The following BTC variants were observed in gnomAD, a reference collection of about 807,000 sequenced individuals.
BTC encodes the protein probetacellulin.
BTC carries 13 observed loss-of-function variants against 18.1 expected under a neutral mutation model. That is an observed-to-expected ratio of 0.72 (90% CI 0.47 to 1.14). The LOEUF (loss-of-function observed/expected upper bound fraction) is 1.14, where lower values mean the gene tolerates loss of function less well. Among genes scored for constraint, BTC ranks in the 50% most tolerant of loss-of-function variants. BTC has a pLI of 0.00. For missense variants in BTC, 247 were observed against 224.2 expected, an observed-to-expected ratio of 1.10 and a Z score of -0.65; for synonymous variants, 83 against 79.4, an observed-to-expected ratio of 1.05 and a Z score of -0.24.
chr4:74,750,938 G>A (rs1468179292), intron 3 of BTC, among the ~76,000 whole-genome samples: 1 of 151,974 alleles, frequency 6.6e-6, no homozygotes, highest in East Asian at 1.9e-4. Context: ...TTATTGATAT[G>A]TCTAATATAA....
chr4:74,793,730 T>C (rs1273808001), intron 1 of BTC, among the ~76,000 whole-genome samples: 2 of 152,180 alleles, frequency 1.3e-5, no homozygotes, highest in East Asian at 1.9e-4. Context: ...CTAGGCATCC[T>C]GCTACTCCTC....
chr4:74,752,769 A>G (rs1553956323), intron 3 of BTC, among the ~76,000 whole-genome samples: 3 of 152,120 alleles, frequency 2.0e-5, no homozygotes, highest in African/African-American at 4.8e-5. Context: ...TTTTTTTCCA[A>G]CTAGCTTAAA....
chr4:74,759,096 T>C (rs1724680504), intron 2 of BTC, among the ~76,000 whole-genome samples: 1 of 152,124 alleles, frequency 6.6e-6, no homozygotes, highest in South Asian at 2.1e-4. Flanking sequence ...TTCATCAAGT[T>C]CATGTTATCT....
At chr4:74,770,821 T>C (rs1725017922) in intron 1 of BTC, among the ~76,000 whole-genome samples, 1 of 151,874 alleles carries the variant, frequency 6.6e-6, no homozygotes, top group African/African-American at 2.4e-5. Context: ...TGACACTGAC[T>C]GGACACTAGA....
At chr4:74,777,037 A>C (rs897416448) in intron 1 of BTC, among the ~76,000 whole-genome samples, 12 of 152,296 alleles carry the variant, frequency 7.9e-5, no homozygotes, top group African/African-American at 2.6e-4. Context: ...AATTAGAAGA[A>C]TATTTCATTG....
chr4:74,774,617 A>G (rs79160700), intron 1 of BTC, among the ~76,000 whole-genome samples: 8,052 of 152,102 alleles, frequency 0.053, 350 homozygotes, highest in Admixed American at 0.12. Context: ...ACAACTTGTA[A>G]TAAGTAAAAG....
chr4:74,782,281 G>C (rs1181200895), intron 1 of BTC, among the ~76,000 whole-genome samples: 1 of 152,112 alleles, frequency 6.6e-6, no homozygotes, highest in Non-Finnish European at 1.5e-5. Context: ...ACAGGCCCCA[G>C]TGTGTGTTGT....
At chr4:74,749,583 C>T (rs546166680) in intron 4 of BTC, among the ~76,000 whole-genome samples, 2 of 151,544 alleles carry the variant, frequency 1.3e-5, no homozygotes, top group African/African-American at 4.8e-5. Flanking sequence ...ATCACGAGAA[C>T]CCTCTTTATG....
intron 3 of BTC, among the ~76,000 whole-genome samples, chr4:74,754,985 T>G (rs1724561472): frequency 6.9e-6 from 1 of 145,494 alleles, no homozygotes; most frequent in African/African-American, 2.5e-5. Flanking sequence ...ACACATTTCC[T>G]TATTTTCTTA....
chr4:74,749,939 A>C (rs563642844), intron 4 of BTC, among the ~76,000 whole-genome samples: 1 of 150,618 alleles, frequency 6.6e-6, no homozygotes, highest in East Asian at 1.9e-4. Flanking sequence ...CACAAAAAAA[A>C]AAAAAAAAAA....
rs140634211 is a variant in BTC at position 74,748,132 on chromosome 4, C to G, written c.446G>C (p.Arg149Pro). The change falls in exon 5 of 6, where the codon CGT (arginine) becomes CCT (proline). Residue 149 changes from arginine (R) to proline (P), a missense_variant. Physicochemically the swap from Arg to Pro is moderately radical, Grantham distance 103 (BLOSUM62 -2). Transcript: ENST00000395743. ...CTCCHPLRKRRKRKKKEEEME... is the reference protein window; with the variant it reads ...CTCCHPLRKRPKRKKKEEEME... ...TTCTTCTTCTTTCTTCTTTCTTTTACGACGTTTCCGAAGAGGGCTTGGAAA... is the reference window on the plus strand; with the variant it reads ...TTCTTCTTCTTTCTTCTTTCTTTTAGGACGTTTCCGAAGAGGGCTTGGAAA... 1.0e-5 allele frequency: 16 copies of G among 1,607,288 alleles called. No individual in the cohort carries two copies. Among genetic ancestry groups the G allele is most frequent in the Non-Finnish European group, 1.4e-5 (16 of 1,178,388 alleles).
intron 2 of BTC, among the ~76,000 whole-genome samples, chr4:74,760,428 T>A (rs1280212499): frequency 1.3e-5 from 2 of 152,230 alleles, no homozygotes; most frequent in African/African-American, 4.8e-5. Flanking sequence ...GATTTCCTCC[T>A]TTTACAAATT....
At chr4:74,777,002 G>A (rs1316892668) in intron 1 of BTC, among the ~76,000 whole-genome samples, 1 of 152,116 alleles carries the variant, frequency 6.6e-6, no homozygotes, top group Non-Finnish European at 1.5e-5. Context: ...AAAGAAGAAT[G>A]TATCAACCTA....
At chr4:74,767,811 G>T (rs1265951782) in intron 2 of BTC, among the ~76,000 whole-genome samples, 1 of 152,092 alleles carries the variant, frequency 6.6e-6, no homozygotes, top group African/African-American at 2.4e-5. Flanking sequence ...TTGAATAAAT[G>T]ATGTTTGAAA....
intron 1 of BTC, among the ~76,000 whole-genome samples, chr4:74,774,149 GATA>G (rs1199684315): frequency 6.6e-6 from 1 of 152,144 alleles, no homozygotes; most frequent in Non-Finnish European, 1.5e-5. Context: ...TTCAGCAGTG[GATA>G]ATATTTATGT....
Position 74,748,136 on chromosome 4 carries a change from G to C in BTC, c.442C>G (p.Arg148Gly). Residue 148 changes from arginine to glycine, a missense_variant, in exon 5 of 6, where the codon CGT becomes GGT. Arg to Gly is a moderately radical substitution (Grantham distance 125). Transcript: ENST00000395743. ...TCTTCTTTCTTCTTTCTTTTACGAC[G>C]TTTCCGAAGAGGGCTTGGAAAATAC... Reference protein sequence around the residue: ...VCTCCHPLRKRRKRKKKEEEM... With the variant: ...VCTCCHPLRKGRKRKKKEEEM... 6.2e-7 allele frequency: 1 copy of C among 1,606,334 alleles called. No individual in the cohort carries two copies. The highest frequency in any genetic ancestry group is 8.5e-7 in the Non-Finnish European group (1 of 1,177,840).
chr4:74,773,738 A>G (rs1268415528), intron 1 of BTC, among the ~76,000 whole-genome samples: 1 of 151,878 alleles, frequency 6.6e-6, no homozygotes, highest in Non-Finnish European at 1.5e-5. Flanking sequence ...CAGCCACCCA[A>G]GTAGCTGAGA....
chr4:74,787,053 A>C (rs1454959404), intron 1 of BTC, among the ~76,000 whole-genome samples: 1 of 151,888 alleles, frequency 6.6e-6, no homozygotes, highest in Admixed American at 6.6e-5. Flanking sequence ...TCATTCATTT[A>C]ATTAATACAT....
At chr4:74,780,736 G>A (rs1159049871) in intron 1 of BTC, among the ~76,000 whole-genome samples, 1 of 152,056 alleles carries the variant, frequency 6.6e-6, no homozygotes, top group African/African-American at 2.4e-5. Context: ...CATAGGATTG[G>A]TGCTATATTC....
Sources: gnomAD v4.1 joint callset for allele counts (sites outside exome capture counted in the v4.1 genomes callset) on GRCh38, gnomAD v4.1.1 for gene constraint, MANE v1.5 for transcripts, NCBI Gene and HGNC (gene_info 2026-07-23, HGNC 2026-07-21) for gene names.